PRKAR1B: variants seen among roughly 807,000 people sequenced by gnomAD.
The protein encoded by PRKAR1B is protein kinase cAMP-dependent type I regulatory subunit beta, also known as cAMP-dependent protein kinase type I-beta regulatory subunit.
A neutral mutation model predicts 46.5 loss-of-function variants in PRKAR1B; 22 were observed. The ratio of observed to expected loss-of-function variants is 0.47; its 90% CI spans 0.34 to 0.68. The LOEUF (loss-of-function observed/expected upper bound fraction) is 0.68, where lower values mean the gene tolerates loss of function less well. Ranked by LOEUF, PRKAR1B falls within the 30% of genes least tolerant of loss-of-function variation. The pLI is 0.01. For synonymous variants in PRKAR1B, 259 were observed against 217.7 expected, an observed-to-expected ratio of 1.19 and a Z score of -1.67; for missense variants, 445 against 535.6, an observed-to-expected ratio of 0.83 and a Z score of 1.67.
chr7:601,752 C>T (rs1781612427), intron 6 of PRKAR1B, among the ~76,000 whole-genome samples: 1 of 152,218 alleles, frequency 6.6e-6, no homozygotes, highest in African/African-American at 2.4e-5. Context: ...ACAGCCGGTT[C>T]CCGCAGGGGG....
intron 9 of PRKAR1B, among the ~76,000 whole-genome samples, chr7:561,207 TGCACACACAGGCACACAAACCTGTGC>T (rs1284479931): frequency 6.8e-6 from 1 of 147,328 alleles, no homozygotes; most frequent in Non-Finnish European, 1.5e-5. Flanking sequence ...CCCACACACA[TGCACACACAGGCACACAAACCTGTGC>T]GCACACACCT....
chr7:568,212 G>A (rs1475138820), intron 9 of PRKAR1B, among the ~76,000 whole-genome samples: 2 of 152,104 alleles, frequency 1.3e-5, no homozygotes, highest in African/African-American at 4.8e-5. Flanking sequence ...CACCCCCTCG[G>A]TCTGGCCCCA....
intron 1 of PRKAR1B, among the ~76,000 whole-genome samples, chr7:711,946 C>G (rs1292382463): frequency 1.3e-5 from 2 of 152,024 alleles, no homozygotes; most frequent in East Asian, 3.9e-4. Flanking sequence ...ATGCTGGGGG[C>G]CCCTGCGCGC....
At chr7:599,307 T>C (rs1257626968) in intron 6 of PRKAR1B, among the ~76,000 whole-genome samples, 2 of 151,990 alleles carry the variant, frequency 1.3e-5, no homozygotes, top group Admixed American at 6.6e-5. Flanking sequence ...TCTCTCTTTT[T>C]TTTTTTTGAG....
intron 9 of PRKAR1B, among the ~76,000 whole-genome samples, chr7:554,146 C>T (rs28705067): frequency 0.068 from 10,296 of 152,280 alleles, 972 homozygotes; most frequent in African/African-American, 0.21. Flanking sequence ...GGGCAGATGG[C>T]GGAGGGTGAA....
At chr7:567,712 C>T (rs993384495) in intron 9 of PRKAR1B, among the ~76,000 whole-genome samples, 6 of 152,224 alleles carry the variant, frequency 3.9e-5, no homozygotes, top group Non-Finnish European at 7.3e-5. Flanking sequence ...GACATTCTGA[C>T]ACCTGCTAGC....
Position 726,840 on chromosome 7 carries a change from C to G in PRKAR1B, c.-23+370G>C, listed in dbSNP as rs1424157506. The G allele has an allele frequency of 9.8e-6, 13 of 1,325,602 alleles. No individual in the cohort carries two copies. The highest frequency in any genetic ancestry group is 1.5e-5 in the African/African-American group (1 of 65,008). The allele number at this position is 1,325,602 out of a possible 1,614,324, so 82.1% of individuals were successfully genotyped here. A position where few individuals can be genotyped will look rare whatever the true frequency, so the allele number is the denominator to read the frequency against. On this transcript the variant is annotated intron_variant, in intron 1 of 10. Transcript: ENST00000537384. ...GCCGCCTGCTGCCGGGGCTGGAGGCCGACAGCAAGCCGGGCCGGCGGCGCG... is the reference window on the plus strand; with the variant it reads ...GCCGCCTGCTGCCGGGGCTGGAGGCGGACAGCAAGCCGGGCCGGCGGCGCG...
chr7:680,661 C>T lies in PRKAR1B; in HGVS notation c.243G>A (p.Glu81=). ...SNSQSDSHDE[E]VSPTPPNPVV... ...CAGGGTTCGGGGGGGTGGGCGACAC[C>T]TCCTCATCATGGGAGTCCGACTGTG... Residue 81 remains glutamate (E), a synonymous_variant, in exon 3 of 11, where the codon GAG becomes GAA. Coordinates refer to ENST00000537384, the MANE Select transcript of PRKAR1B (RefSeq NM_001164760.2). 3.1e-6 allele frequency: 5 copies of T among 1,613,478 alleles called. No individual in the cohort carries two copies. The highest frequency in any genetic ancestry group is 1.1e-5 in the South Asian group (1 of 91,006).
chr7:684,395 G>A (rs1399342360), intron 2 of PRKAR1B, among the ~76,000 whole-genome samples: 2 of 152,096 alleles, frequency 1.3e-5, no homozygotes, highest in Non-Finnish European at 2.9e-5. Flanking sequence ...TCCCTCTAGC[G>A]ACCTCTCGAA....
At position 555,049 on chromosome 7, in the gene PRKAR1B, G is replaced by C. The variant is rs9719681; in HGVS notation, c.892-3579C>G. The stretch of plus-strand genomic sequence containing the variant: ...GCCACCCCTACACCATCAGCAGAAA[G>C]ACAGAACCTACCTCTTTCTCCTGCA... On this transcript the variant is annotated intron_variant, in intron 9 of 10. Transcript: ENST00000537384. Among the ~76,000 whole-genome samples the C allele has an allele frequency of 0.013, 2,022 of 152,320 alleles. 74 individuals carry two copies. In the East Asian group the frequency reaches 0.16, roughly 12 times the overall value.
intron 4 of PRKAR1B, among the ~76,000 whole-genome samples, chr7:655,914 A>T (rs1308093924): frequency 1.3e-5 from 2 of 151,778 alleles, no homozygotes; most frequent in African/African-American, 4.8e-5. Context: ...TACATGAGAC[A>T]GCATGTGAGG....
intron 9 of PRKAR1B, among the ~76,000 whole-genome samples, chr7:572,897 G>A (rs1779606060): frequency 6.6e-6 from 1 of 152,228 alleles, no homozygotes; most frequent in Non-Finnish European, 1.5e-5. Flanking sequence ...GAGCAGACAG[G>A]GCAGGACGCC....
intron 9 of PRKAR1B, chr7:578,682 CTTTTT>C (rs67281859): frequency 3.5e-5 from 5 of 142,060 alleles, no homozygotes; most frequent in South Asian, 2.0e-4. Flanking sequence ...TTTTATTTTA[CTTTTT>C]TTTTTTTTTT....
intron 4 of PRKAR1B, among the ~76,000 whole-genome samples, chr7:659,635 T>C (rs1469872831): frequency 6.6e-6 from 1 of 152,180 alleles, no homozygotes; most frequent in Non-Finnish European, 1.5e-5. Flanking sequence ...GCCGCGACCA[T>C]GGACACCGGC....
chr7:592,276 C>T (rs1162817457), intron 7 of PRKAR1B, among the ~76,000 whole-genome samples: 1 of 152,238 alleles, frequency 6.6e-6, no homozygotes. Context: ...GGCACTAAGC[C>T]CCGGTCGAGG....
intron 7 of PRKAR1B, among the ~76,000 whole-genome samples, chr7:584,868 A>C (rs1451876309): frequency 6.6e-6 from 1 of 152,146 alleles, no homozygotes; most frequent in Non-Finnish European, 1.5e-5. Flanking sequence ...CGGTGAGCGC[A>C]CAGCCAGCCA....
intron 2 of PRKAR1B, chr7:691,749 G>A (rs528039330): frequency 1.6e-5 from 20 of 1,229,664 alleles, no homozygotes; most frequent in Non-Finnish European, 2.0e-5. Context: ...GGGTGCTGAG[G>A]GGATGGACCA....
chr7:628,001 C>T (rs1783508562), intron 4 of PRKAR1B, among the ~76,000 whole-genome samples: 1 of 151,910 alleles, frequency 6.6e-6, no homozygotes, highest in South Asian at 2.1e-4. Context: ...ACGGAACAAA[C>T]ACAGGCCGAG....
At position 602,225 on chromosome 7, in the gene PRKAR1B, G is replaced by A. The variant is rs528227991; in HGVS notation, c.549+3968C>T. On this transcript the variant is annotated intron_variant, in intron 6 of 10. Transcript: ENST00000537384. This position sits in a 1 kb window ranked among gnomAD's most constrained non-coding sequence, Gnocchi z 6.4. The stretch of plus-strand genomic sequence containing the variant: ...AGGAAACGGTCCCTGCTTTGAAGTG[G>A]CTCCGGCACCGGCCTCTCCCACCAC... Among the ~76,000 whole-genome samples, 1 of 152,242 alleles carries A rather than the reference G, an allele frequency of 6.6e-6. No homozygotes were observed. Among genetic ancestry groups the A allele is most frequent in the East Asian group, 1.9e-4 (1 of 5,158 alleles).
Sources: gnomAD v4.1 joint callset for allele counts (sites outside exome capture counted in the v4.1 genomes callset) on GRCh38, gnomAD v4.1.1 for gene constraint, Gnocchi (gnomAD v3.1) non-coding constraint, MANE v1.5 for transcripts, NCBI Gene and HGNC (gene_info 2026-07-23, HGNC 2026-07-21) for gene names.